SPTLC3: variants seen among roughly 807,000 people sequenced by gnomAD.
SPTLC3 encodes serine palmitoyltransferase long chain base subunit 3, also known as serine palmitoyltransferase 3.
SPTLC3 carries 36 observed loss-of-function variants against 59.3 expected under a neutral mutation model. The ratio of observed to expected loss-of-function variants is 0.61; its 90% CI spans 0.47 to 0.80. SPTLC3 has a LOEUF of 0.80. SPTLC3 is among the 30% of genes least tolerant of loss of function. The pLI is 0.00. For missense variants in SPTLC3, 625 were observed against 685.1 expected (o/e 0.91, Z 0.98); for synonymous variants, 257 against 240.8 (o/e 1.07, Z -0.62).
chr20:13,039,007 A>G lies in SPTLC3; in HGVS notation c.118-9938A>G, dbSNP rs531861270. Among the ~76,000 whole-genome samples the G allele has an allele frequency of 1.8e-3, 267 of 152,240 alleles. 3 individuals are homozygous for G. Among genetic ancestry groups the G allele is most frequent in the African/African-American group, 6.1e-3 (254 of 41,570 alleles). ...TGCCGTTGGAAAGAACATACTTTGC[A>G]TAATTTCAAGCTTTTTACATTTATT... is the stretch of plus-strand genomic sequence containing the variant. On this transcript the variant is annotated intron_variant, in intron 1 of 11. Transcript: ENST00000399002.
At chr20:13,119,306 T>C (rs1379649076) in intron 8 of SPTLC3, among the ~76,000 whole-genome samples, 1 of 152,228 alleles carries the variant, frequency 6.6e-6, no homozygotes, top group East Asian at 1.9e-4. Flanking sequence ...TGTCACATTT[T>C]TCCCCCTAGA....
At chr20:13,075,630 T>A (rs1331332176) in intron 4 of SPTLC3, among the ~76,000 whole-genome samples, 1 of 152,100 alleles carries the variant, frequency 6.6e-6, no homozygotes, top group African/African-American at 2.4e-5. Context: ...AGGGTGGAGA[T>A]GAAAACAGGA....
chr20:13,083,344 G>A (rs1158739911), intron 4 of SPTLC3, among the ~76,000 whole-genome samples: 1 of 152,132 alleles, frequency 6.6e-6, no homozygotes, highest in East Asian at 1.9e-4. Context: ...GAGCCCAGAA[G>A]GAGTAGAATA....
intron 4 of SPTLC3, 83 bp downstream of exon 4, chr20:13,074,580 G>A (rs1988574171): frequency 7.0e-7 from 1 of 1,422,104 alleles, no homozygotes; most frequent in South Asian, 1.5e-5. Context: ...GATCATATTT[G>A]GACTGTGTCC....
chr20:13,089,785 C>CAAAAAA (rs752234758), intron 4 of SPTLC3, among the ~76,000 whole-genome samples: 3 of 79,294 alleles, frequency 3.8e-5, no homozygotes, highest in Non-Finnish European at 5.0e-5. Context: ...GATTCTATCT[C>CAAAAAA]AAAAAAAAAA....
intron 7 of SPTLC3, among the ~76,000 whole-genome samples, chr20:13,110,687 C>T (rs1040291557): frequency 2.0e-5 from 3 of 152,054 alleles, no homozygotes; most frequent in African/African-American, 7.2e-5. Flanking sequence ...AAAGATCTGC[C>T]TGTTTTCCCC....
In SPTLC3 at chr20:13,051,134, A is replaced by G. The variant is rs143034939; in HGVS notation, c.303+2004A>G. On this transcript the variant is annotated intron_variant, in intron 2 of 11. Coordinates refer to ENST00000399002, the MANE Select transcript of SPTLC3 (RefSeq NM_018327.4). ...GTAAATGGCCTAAATGATCCACTTA[A>G]AAGATACAGAACCACAGAATGGGTA... is the stretch of plus-strand genomic sequence containing the variant. 18 of 152,362 alleles carry G rather than the reference A, an allele frequency of 1.2e-4. No individual in the cohort carries two copies. The East Asian group carries it at 3.5e-3, about 29-fold the overall frequency. 9.4% of individuals were successfully genotyped at this position (152,362 alleles called of 1,614,324 possible).
chr20:13,049,986 G>A (rs1453398170), intron 2 of SPTLC3: 2 of 152,042 alleles, frequency 1.3e-5, no homozygotes, highest in Non-Finnish European at 2.9e-5. Flanking sequence ...AAATGAGAAG[G>A]AACCAGAAAA....
At chr20:13,138,061 A>C (rs1286300415) in intron 9 of SPTLC3, among the ~76,000 whole-genome samples, 1 of 152,074 alleles carries the variant, frequency 6.6e-6, no homozygotes, top group Non-Finnish European at 1.5e-5. Context: ...CATCCTTTCT[A>C]AAATATTGTC....
chr20:13,156,832 A>G (rs562126221), intron 10 of SPTLC3, among the ~76,000 whole-genome samples: 15 of 152,344 alleles, frequency 9.8e-5, no homozygotes, highest in African/African-American at 3.6e-4. Flanking sequence ...GCAAGGTTGA[A>G]TCACCACGGT....
At chr20:13,083,688 T>C (rs757988874) in intron 4 of SPTLC3, among the ~76,000 whole-genome samples, 29 of 152,212 alleles carry the variant, frequency 1.9e-4, no homozygotes, top group Non-Finnish European at 3.4e-4. Flanking sequence ...AGTTCCTTTT[T>C]TTTATTACCA....
At chr20:13,074,576 A>G (rs1988573858) in intron 4 of SPTLC3, 79 bp downstream of exon 4, 9 of 1,438,090 alleles carry the variant, frequency 6.3e-6, no homozygotes, top group Non-Finnish European at 8.4e-6. Context: ...TCTAGATCAT[A>G]TTTGGACTGT....
intron 1 of SPTLC3, among the ~76,000 whole-genome samples, chr20:13,026,241 C>T (rs1328072015): frequency 2.0e-5 from 3 of 152,146 alleles, no homozygotes; most frequent in Non-Finnish European, 4.4e-5. Flanking sequence ...TGGGCAGGTA[C>T]CTGGTAATGG....
intron 9 of SPTLC3, among the ~76,000 whole-genome samples, chr20:13,132,171 A>ATTTTT (rs35718222): frequency 7.7e-5 from 8 of 103,996 alleles, no homozygotes; most frequent in East Asian, 2.7e-4. Flanking sequence ...CCTTGCTTTA[A>ATTTTT]TTTTTTTTTT....
chr20:13,064,250 CTTTTTTTTCTTTTTCCTTTTCTT>C (rs1988091786), intron 2 of SPTLC3, among the ~76,000 whole-genome samples: 1 of 93,388 alleles, frequency 1.1e-5, no homozygotes, highest in Non-Finnish European at 2.2e-5. Flanking sequence ...TTAAATAGTT[CTTTTTTTTCTTTTTCCTTTTCTT>C]TTTTTTTTTT....
intron 10 of SPTLC3, among the ~76,000 whole-genome samples, chr20:13,157,602 C>T (rs917201076): frequency 4.6e-5 from 7 of 151,810 alleles, no homozygotes; most frequent in Admixed American, 6.6e-5. Flanking sequence ...TAAAGCAACA[C>T]AGAGTCTAAT....
chr20:13,029,651 T>C, intron 1 of SPTLC3, among the ~76,000 whole-genome samples: 1 of 152,214 alleles, frequency 6.6e-6, no homozygotes, highest in East Asian at 1.9e-4. Context: ...ATACTTATTT[T>C]TCATGGAAGC....
At chr20:13,051,038 C>T (rs1391644340) in intron 2 of SPTLC3, 1 of 152,048 alleles carries the variant, frequency 6.6e-6, no homozygotes. Flanking sequence ...AAAGAAAAAA[C>T]CCAAAGTACA....
At chr20:13,088,327 T>C (rs953633925) in intron 4 of SPTLC3, among the ~76,000 whole-genome samples, 2 of 152,008 alleles carry the variant, frequency 1.3e-5, no homozygotes, top group African/African-American at 4.8e-5. Context: ...TGTTGTTGTT[T>C]GTTTTTGTCT....
Sources: allele counts gnomAD v4.1 joint callset (sites outside exome capture counted in the v4.1 genomes callset), GRCh38; gene constraint gnomAD v4.1.1; transcripts MANE v1.5; gene names NCBI Gene and HGNC (gene_info 2026-07-23, HGNC 2026-07-21).